Variants in SEMA5A observed in about 807,000 individuals in gnomAD.
The protein encoded by SEMA5A is semaphorin-5A.
In SEMA5A, 55 loss-of-function variants were observed where a neutral mutation model predicts 135.5. The ratio of observed to expected loss-of-function variants is 0.41; its 90% CI spans 0.33 to 0.51. SEMA5A has a LOEUF of 0.51. SEMA5A is among the 20% of genes least tolerant of loss of function. SEMA5A has a pLI of 0.37. For synonymous variants in SEMA5A, 580 were observed against 546.5 expected, an observed-to-expected ratio of 1.06 and a Z score of -0.85; for missense variants, 1,290 against 1,419.9, an observed-to-expected ratio of 0.91 and a Z score of 1.47.
intron 1 of SEMA5A, among the ~76,000 whole-genome samples, chr5:9,533,437 A>G (rs1178284844): frequency 1.3e-5 from 2 of 152,246 alleles, no homozygotes; most frequent in African/African-American, 4.8e-5. Context: ...TTGTAAATAT[A>G]GAATTTAATG....
At chr5:9,212,102 T>C (rs1746375263) in intron 8 of SEMA5A, among the ~76,000 whole-genome samples, 2 of 152,192 alleles carry the variant, frequency 1.3e-5, no homozygotes, top group South Asian at 4.1e-4. Context: ...TAGGAGTTAG[T>C]TTTTCCAAGT....
chr5:9,398,601 TG>T (rs1756510512), intron 2 of SEMA5A, among the ~76,000 whole-genome samples: 1 of 152,202 alleles, frequency 6.6e-6, no homozygotes, highest in Non-Finnish European at 1.5e-5. Context: ...CTGAGGATAC[TG>T]AAGAACTGCA....
intron 15 of SEMA5A, among the ~76,000 whole-genome samples, chr5:9,111,864 T>C (rs568517427): frequency 3.3e-5 from 5 of 152,298 alleles, no homozygotes; most frequent in African/African-American, 1.2e-4. Flanking sequence ...AACTAACTCA[T>C]GCCCCTGAGA....
In SEMA5A at chr5:9,066,603, T is replaced by C; in HGVS notation, c.2117A>G (p.Lys706Arg). The change falls in exon 17 of 23, where the codon AAG (lysine) becomes AGG (arginine). Residue 706 changes from lysine (K) to arginine (R), a missense_variant. Lys to Arg is a conservative substitution (Grantham distance 26). Transcript: ENST00000382496. ...TGTCCAGGGTGTCCAGGGCGTGGTC[T>C]TCTTCAGCTCAGGACACGGGTTGGT... ...CNTNPCPELK[K>R]TTPWTPWTPV... The C allele has an allele frequency of 6.2e-7, 1 of 1,614,192 alleles. No homozygotes were observed. The highest frequency in any genetic ancestry group is 8.5e-7 in the Non-Finnish European group (1 of 1,180,044).
At chr5:9,198,017 T>C (rs1331901282) in intron 9 of SEMA5A, among the ~76,000 whole-genome samples, 1 of 152,130 alleles carries the variant, frequency 6.6e-6, no homozygotes, top group Non-Finnish European at 1.5e-5. Flanking sequence ...AGAAGGTCAG[T>C]GCCCTCTGAC....
chr5:9,138,418 T>A (rs879284087), intron 12 of SEMA5A, among the ~76,000 whole-genome samples: 6 of 152,182 alleles, frequency 3.9e-5, no homozygotes, highest in Non-Finnish European at 8.8e-5. Context: ...TGATATGCAA[T>A]ACACACAAAT....
At chr5:9,337,971 A>G (rs926578582) in intron 3 of SEMA5A, among the ~76,000 whole-genome samples, 159 bp from the exon 4 acceptor site, 1 of 152,182 alleles carries the variant, frequency 6.6e-6, no homozygotes, top group Non-Finnish European at 1.5e-5. Flanking sequence ...TTCCCTCAGG[A>G]TGCCCCATAA....
intron 1 of SEMA5A, among the ~76,000 whole-genome samples, chr5:9,472,319 T>C (rs1478500793): frequency 6.6e-6 from 1 of 152,222 alleles, no homozygotes; most frequent in East Asian, 1.9e-4. Context: ...CATCATCTAG[T>C]GCCCTGGAAG....
chr5:9,131,996 T>C (rs1189316274), intron 13 of SEMA5A, among the ~76,000 whole-genome samples: 2 of 152,220 alleles, frequency 1.3e-5, no homozygotes, highest in Non-Finnish European at 2.9e-5. Context: ...AGGACATATA[T>C]ATTATTCTAA....
At chr5:9,536,239 C>T (rs1342336065) in intron 1 of SEMA5A, among the ~76,000 whole-genome samples, 1 of 152,008 alleles carries the variant, frequency 6.6e-6, no homozygotes, top group African/African-American at 2.4e-5. Flanking sequence ...GGACGACAAT[C>T]ATAAGGAGGG....
chr5:9,436,395 C>T (rs1024641074), intron 2 of SEMA5A, among the ~76,000 whole-genome samples: 1 of 152,160 alleles, frequency 6.6e-6, no homozygotes. Context: ...GAGAAAGATA[C>T]AAAATGCAGA....
intron 1 of SEMA5A, among the ~76,000 whole-genome samples, chr5:9,515,612 A>G (rs1165784604): frequency 1.3e-5 from 2 of 152,122 alleles, no homozygotes; most frequent in Non-Finnish European, 2.9e-5. Flanking sequence ...CAAATGACAG[A>G]TATGTTCTGT....
In SEMA5A at chr5:9,254,993, A is replaced by G. The variant is rs1805980; in HGVS notation, c.271-17103T>C. Among the ~76,000 whole-genome samples, 1,132 of 152,288 alleles carry G rather than the reference A, an allele frequency of 7.4e-3. 17 individuals carry two copies. The highest frequency in any genetic ancestry group is 0.038 in the Admixed American group (585 of 15,280). ...ATAAGTACACATTTAGGGACCATCA[A>G]TGAGAACGGGGAACCAGCAAAGGCA... On this transcript the variant is annotated intron_variant, in intron 5 of 22. Transcript: ENST00000382496.
At chr5:9,402,148 A>G (rs1249254207) in intron 2 of SEMA5A, among the ~76,000 whole-genome samples, 1 of 152,214 alleles carries the variant, frequency 6.6e-6, no homozygotes, top group African/African-American at 2.4e-5. Flanking sequence ...ACATTCATGT[A>G]ATTACTACAA....
chr5:9,501,917 T>C (rs1017316038), intron 1 of SEMA5A, among the ~76,000 whole-genome samples: 1 of 152,186 alleles, frequency 6.6e-6, no homozygotes, highest in Admixed American at 6.5e-5. Flanking sequence ...CATCCACCCG[T>C]AGAAAACATA....
intron 13 of SEMA5A, among the ~76,000 whole-genome samples, chr5:9,130,235 A>G (rs2619911): frequency 0.058 from 8,815 of 152,190 alleles, 763 homozygotes; most frequent in African/African-American, 0.19. Context: ...GATTCTTACT[A>G]TATTCCAACC....
intron 16 of SEMA5A, among the ~76,000 whole-genome samples, chr5:9,085,128 T>C (rs922248581): frequency 2.0e-5 from 3 of 152,214 alleles, no homozygotes; most frequent in Non-Finnish European, 2.9e-5. Flanking sequence ...ACTTGGGTGC[T>C]GTTAAAAGCA....
At chr5:9,166,953 C>T (rs1743642785) in intron 11 of SEMA5A, among the ~76,000 whole-genome samples, 1 of 152,156 alleles carries the variant, frequency 6.6e-6, no homozygotes, top group South Asian at 2.1e-4. Context: ...TGACAGTCAC[C>T]AGGCAGGCAT....
intron 1 of SEMA5A, among the ~76,000 whole-genome samples, chr5:9,463,258 T>G (rs751209093): frequency 6.6e-6 from 1 of 152,060 alleles, no homozygotes; most frequent in Non-Finnish European, 1.5e-5. Flanking sequence ...AAAAGATCAT[T>G]GAAACAACTA....
Sources: gnomAD v4.1 joint callset for allele counts (sites outside exome capture counted in the v4.1 genomes callset) on GRCh38, gnomAD v4.1.1 for gene constraint, MANE v1.5 for transcripts, NCBI Gene and HGNC (gene_info 2026-07-23, HGNC 2026-07-21) for gene names.